Variants in DGKH observed in about 807,000 individuals in gnomAD.
DGKH encodes the protein diacylglycerol kinase eta, also known as DAG kinase eta.
In DGKH, 90 loss-of-function variants were observed where a neutral mutation model predicts 159.3. That is an observed-to-expected ratio of 0.57 (90% CI 0.48 to 0.67). DGKH has a LOEUF of 0.67. Ranked by LOEUF, DGKH falls within the 30% of genes least tolerant of loss-of-function variation. The pLI is 0.00. For synonymous variants in DGKH, 536 were observed against 553.8 expected (o/e 0.97, Z 0.45); for missense variants, 1,181 against 1,506.1 (o/e 0.78, Z 3.57).
chr13:42,156,043 T>G (rs757399355), intron 5 of DGKH, among the ~76,000 whole-genome samples: 36 of 152,190 alleles, frequency 2.4e-4, no homozygotes, highest in Non-Finnish European at 4.3e-4. Flanking sequence ...GTATAATCAT[T>G]CTGGTATTCT....
intron 1 of DGKH, among the ~76,000 whole-genome samples, chr13:42,113,046 C>T (rs1164609047): frequency 6.6e-6 from 1 of 152,146 alleles, no homozygotes; most frequent in Non-Finnish European, 1.5e-5. Flanking sequence ...TTGTGGGTGG[C>T]TAGCCCTGAA....
rs536588145 is a variant in DGKH, at chr13:42,241,891, G to A, written c.*12703G>A. 2 of 152,254 alleles carry A rather than the reference G, an allele frequency of 1.3e-5. No individual in the cohort carries two copies. Among genetic ancestry groups the A allele is most frequent in the Admixed American group, 1.3e-4 (2 of 15,298 alleles). The allele number at this position is 152,254 out of a possible 1,614,324, so 9.4% of individuals were successfully genotyped here. ...TATTTATGGATGGTTAGGCAATAGG[G>A]TTCCTTCATGAGAAGGAAAAAACTG... On this transcript the variant is annotated 3_prime_UTR_variant, in exon 30 of 30. Coordinates refer to ENST00000337343, the MANE Select transcript of DGKH (RefSeq NM_178009.5).
chr13:42,085,336 A>G (rs1225543585), intron 1 of DGKH, among the ~76,000 whole-genome samples: 1 of 152,164 alleles, frequency 6.6e-6, no homozygotes, highest in South Asian at 2.1e-4. Context: ...TCTCTCCCCA[A>G]AATGGCCGTC....
intron 27 of DGKH, 73 bp downstream of exon 27, chr13:42,219,422 AAG>A: frequency 6.4e-7 from 1 of 1,556,440 alleles, no homozygotes; most frequent in African/African-American, 1.4e-5. Flanking sequence ...ATCTTTGAAA[AAG>A]AGATATTTAG....
chr13:42,168,840 C>A (rs1343807210), intron 11 of DGKH, 22 bp downstream of exon 11: 2 of 1,597,650 alleles, frequency 1.3e-6, no homozygotes, highest in South Asian at 1.2e-5. Flanking sequence ...TTCTTTTCTA[C>A]AACTAGATGG....
chr13:42,132,892 G>A (rs1258466993), intron 3 of DGKH, among the ~76,000 whole-genome samples: 2 of 151,962 alleles, frequency 1.3e-5, no homozygotes, highest in African/African-American at 4.8e-5. Flanking sequence ...TTTTTGGCCG[G>A]GCGTGATGGC....
chr13:42,255,867 T>C (rs1958653585), intron 30 of DGKH: 2 of 1,014,656 alleles, frequency 2.0e-6, no homozygotes, highest in East Asian at 2.5e-5. Context: ...AAAAAGAGAC[T>C]GATAGAGAAG....
At chr13:42,073,207 C>T (rs979782583) in intron 1 of DGKH, among the ~76,000 whole-genome samples, 2 of 152,154 alleles carry the variant, frequency 1.3e-5, no homozygotes, top group Non-Finnish European at 2.9e-5. Context: ...GTGTCCTGCT[C>T]GATATACCCT....
Position 42,135,491 on chromosome 13 carries a change from GA to G in DGKH, c.384+5876del, listed in dbSNP as rs757279736. Reference sequence around the variant, plus strand: ...GGTGGCAGAGAAAGACCCTGTCTCAGAAAAAAAAAAAAAAAAAGAGAGAGAG... The same window carrying G: ...GGTGGCAGAGAAAGACCCTGTCTCAGAAAAAAAAAAAAAAAAGAGAGAGAG... On this transcript the variant is annotated intron_variant, in intron 3 of 29. Coordinates refer to ENST00000337343, the MANE Select transcript of DGKH (RefSeq NM_178009.5). Among the ~76,000 whole-genome samples the G allele has an allele frequency of 4.2e-3, 287 of 69,130 alleles. 3 individuals carry two copies. Among genetic ancestry groups the G allele is most frequent in the African/African-American group, 0.016 (247 of 15,574 alleles). The allele number at this position is 69,130 out of a possible 152,430, so 45.4% of individuals were successfully genotyped here.
chr13:42,124,943 C>T (rs9315891), intron 1 of DGKH, among the ~76,000 whole-genome samples: 66,004 of 151,958 alleles, frequency 0.43, 14,606 homozygotes, highest in Non-Finnish European at 0.47. Flanking sequence ...CTCAGGAGAC[C>T]TCTCTTACCA....
At chr13:42,083,556 T>C (rs1954248792) in intron 1 of DGKH, among the ~76,000 whole-genome samples, 1 of 152,230 alleles carries the variant, frequency 6.6e-6, no homozygotes, top group African/African-American at 2.4e-5. Flanking sequence ...GCCGCCGCTG[T>C]AGGCGTGGAA....
chr13:42,173,984 C>CGT lies in DGKH; in HGVS notation c.1368-75_1368-74insTG, dbSNP rs1566158190. On this transcript the variant is annotated intron_variant, in intron 11 of 29. Transcript: ENST00000337343. ...GCGTGCGTGTGTGTGTGTGTGTGTG[C>CGT]GCGTTTATGAGATGCTAACAGTTAG... 23 of 866,152 alleles carry CGT rather than the reference C, an allele frequency of 2.7e-5. No homozygotes were observed. In the Middle Eastern group the frequency reaches 8.9e-4, roughly 34 times the overall value. 53.7% of individuals were successfully genotyped at this position (866,152 alleles called of 1,614,324 possible). A position where few individuals can be genotyped will look rare whatever the true frequency, so the allele number is the denominator to read the frequency against.
chr13:42,067,570 A>C (rs1399785201), intron 1 of DGKH, among the ~76,000 whole-genome samples: 1 of 152,184 alleles, frequency 6.6e-6, no homozygotes, highest in Non-Finnish European at 1.5e-5. Context: ...AATGACAAAT[A>C]GATACCATTG....
chr13:42,255,443 C>T (rs984794565), intron 30 of DGKH, among the ~76,000 whole-genome samples: 1 of 152,012 alleles, frequency 6.6e-6, no homozygotes, highest in African/African-American at 2.4e-5. Flanking sequence ...ACAATGAATT[C>T]CAACACAGCC....
At chr13:42,220,240 A>G (rs1957929986) in intron 28 of DGKH, among the ~76,000 whole-genome samples, 1 of 152,186 alleles carries the variant, frequency 6.6e-6, no homozygotes, top group Non-Finnish European at 1.5e-5. Context: ...TACTCATTTA[A>G]CTTGCCGATT....
chr13:42,175,222 A>G (rs1956569022), intron 12 of DGKH, among the ~76,000 whole-genome samples: 1 of 152,252 alleles, frequency 6.6e-6, no homozygotes, highest in Non-Finnish European at 1.5e-5. Flanking sequence ...GCCGTTTCTT[A>G]GAGAAGCTAA....
chr13:42,159,244 CTTTTT>C lies in DGKH; in HGVS notation c.623-7_623-3del, dbSNP rs57531279. ...TCTTGTCCACTTAAAAGCAGTTGCT[CTTTTT>C]TTTTTTTTTTTTTTAGTGTGTAAAT... On this transcript the variant is annotated splice_polypyrimidine_tract_variant and intron_variant, in intron 5 of 29. Coordinates refer to ENST00000337343, the MANE Select transcript of DGKH (RefSeq NM_178009.5). The C allele has an allele frequency of 7.7e-4, 165 of 215,326 alleles. 1 individual carries two copies. The highest frequency in any genetic ancestry group is 1.3e-3 in the South Asian group (29 of 23,150). 13.3% of individuals were successfully genotyped at this position (215,326 alleles called of 1,614,324 possible).
At chr13:42,167,557 G>A (rs1262979526) in intron 9 of DGKH, among the ~76,000 whole-genome samples, 1 of 151,932 alleles carries the variant, frequency 6.6e-6, no homozygotes, top group Non-Finnish European at 1.5e-5. Flanking sequence ...ATCTTGCTAA[G>A]TCTCAGGCCC....
intron 13 of DGKH, chr13:42,181,513 C>T: frequency 4.9e-6 from 1 of 205,720 alleles, no homozygotes; most frequent in Non-Finnish European, 1.1e-5. Flanking sequence ...CTCCTTGGAA[C>T]CCTCACTGAG....
Sources: gnomAD v4.1 joint callset for allele counts (sites outside exome capture counted in the v4.1 genomes callset) on GRCh38, gnomAD v4.1.1 for gene constraint, MANE v1.5 for transcripts, NCBI Gene and HGNC (gene_info 2026-07-23, HGNC 2026-07-21) for gene names.